The following GRHL2 variants were observed in gnomAD, a reference collection of about 807,000 sequenced individuals.
GRHL2 encodes the protein grainyhead-like protein 2 homolog.
GRHL2 carries 21 observed loss-of-function variants against 83.8 expected under a neutral mutation model. That is an observed-to-expected ratio of 0.25 (90% CI 0.18 to 0.36). GRHL2 has a LOEUF of 0.36. Ranked by LOEUF, GRHL2 falls within the 10% of genes least tolerant of loss-of-function variation. The pLI, the probability that GRHL2 is intolerant of heterozygous loss-of-function variation, is 1.00. For synonymous variants in GRHL2, 280 were observed against 278.9 expected (o/e 1.00, Z -0.04); for missense variants, 623 against 781.8 (o/e 0.80, Z 2.42).
In GRHL2 at chr8:101,497,062, G is replaced by A. The variant is rs565267311; in HGVS notation, c.20+4273G>A. Among the ~76,000 whole-genome samples the A allele has an allele frequency of 2.0e-5, 3 of 152,318 alleles. No individual in the cohort carries two copies. The South Asian group carries it at 6.2e-4, about 32-fold the overall frequency. On this transcript the variant is annotated intron_variant, in intron 1 of 15. Coordinates refer to ENST00000646743, the MANE Select transcript of GRHL2 (RefSeq NM_024915.4). Reference sequence around the variant, plus strand: ...CTAAGGAGTAAATGATGAACCTTCAGTCTTGTTTCTTTCCCTGAGTATCAC... The same window carrying A: ...CTAAGGAGTAAATGATGAACCTTCAATCTTGTTTCTTTCCCTGAGTATCAC...
At position 101,652,363 on chromosome 8, in the gene GRHL2, G is replaced by GAT; in HGVS notation, c.1698+2864_1698+2865insAT. Among the ~76,000 whole-genome samples the GAT allele has an allele frequency of 2.7e-5, 2 of 74,230 alleles. 1 individual carries two copies. Among genetic ancestry groups the GAT allele is most frequent in the African/African-American group, 1.5e-4 (2 of 13,702 alleles). The allele number at this position is 74,230 out of a possible 152,430, so 48.7% of individuals were successfully genotyped here. A position where few individuals can be genotyped will look rare whatever the true frequency, so the allele number is the denominator to read the frequency against. ...TGTATGTGTGTGGTGTGTGTGGTGTGTGTGTGTCTGATGTGTGTGTGGTGT... is the reference window on the plus strand; with the variant it reads ...TGTATGTGTGTGGTGTGTGTGGTGTGATTGTGTGTCTGATGTGTGTGTGGTGT... On this transcript the variant is annotated intron_variant, in intron 14 of 15. Transcript: ENST00000646743.
chr8:101,529,609 C>G (rs537244206), intron 1 of GRHL2: 5 of 211,844 alleles, frequency 2.4e-5, no homozygotes, highest in African/African-American at 1.2e-4. Context: ...CCCACTGCCT[C>G]TCAAGTATCT....
chr8:101,508,410 G>T (rs1403879147), intron 1 of GRHL2, among the ~76,000 whole-genome samples: 1 of 130,876 alleles, frequency 7.6e-6, no homozygotes, highest in South Asian at 2.4e-4. Flanking sequence ...TTTTCATCAC[G>T]GGAGAGCTTT....
intron 14 of GRHL2, among the ~76,000 whole-genome samples, chr8:101,664,063 G>A (rs1813987844): frequency 6.6e-6 from 1 of 151,946 alleles, no homozygotes; most frequent in Non-Finnish European, 1.5e-5. Flanking sequence ...CTACTTTTAT[G>A]GTTTCATCTT....
In GRHL2 at chr8:101,620,116, C is replaced by T. The variant is rs568643357; in HGVS notation, c.1257+419C>T. On this transcript the variant is annotated intron_variant, in intron 9 of 15. Transcript: ENST00000646743. Reference sequence around the variant, plus strand: ...CAGACAGCTGCCTTCTCACTGTGTCCTCACATGGCATAGAGAGAGAGCACG... The same window carrying T: ...CAGACAGCTGCCTTCTCACTGTGTCTTCACATGGCATAGAGAGAGAGCACG... Among the ~76,000 whole-genome samples the T allele has an allele frequency of 3.3e-5, 5 of 152,276 alleles. No individual in the cohort carries two copies. The East Asian group carries it at 9.6e-4, about 29-fold the overall frequency.
At chr8:101,500,646 C>G (rs1366003089) in intron 1 of GRHL2, among the ~76,000 whole-genome samples, 8 of 152,046 alleles carry the variant, frequency 5.3e-5, no homozygotes, top group African/African-American at 1.4e-4. Context: ...GTAGCTGGGA[C>G]TATAGGTGTG....
At chr8:101,623,611 TA>T (rs1407115227) in intron 9 of GRHL2, among the ~76,000 whole-genome samples, 1 of 151,688 alleles carries the variant, frequency 6.6e-6, no homozygotes, top group African/African-American at 2.4e-5. Context: ...TAGTACACAG[TA>T]GGGCAGTTTA....
At chr8:101,606,287 A>G (rs530564227) in intron 8 of GRHL2, among the ~76,000 whole-genome samples, 2 of 152,324 alleles carry the variant, frequency 1.3e-5, no homozygotes, top group East Asian at 3.9e-4. Flanking sequence ...TGGATTTACA[A>G]AAGAGATGTG....
intron 8 of GRHL2, among the ~76,000 whole-genome samples, chr8:101,616,397 C>T (rs916730539): frequency 6.6e-6 from 1 of 152,134 alleles, no homozygotes; most frequent in African/African-American, 2.4e-5. Context: ...TCTCGAACTC[C>T]TGACCTCTGG....
intron 9 of GRHL2, among the ~76,000 whole-genome samples, chr8:101,627,913 G>A (rs565993761): frequency 2.8e-4 from 42 of 152,210 alleles, no homozygotes; most frequent in Non-Finnish European, 5.0e-4. Flanking sequence ...CTCTATGAAG[G>A]CTGAGAGAGA....
At chr8:101,505,263 C>A (rs1810314186) in intron 1 of GRHL2, among the ~76,000 whole-genome samples, 1 of 151,968 alleles carries the variant, frequency 6.6e-6, no homozygotes, top group South Asian at 2.1e-4. Flanking sequence ...TTTAAAAAAT[C>A]ATGATGTTCT....
chr8:101,654,399 T>A lies in GRHL2; in HGVS notation c.1698+4900T>A, dbSNP rs187214123. On this transcript the variant is annotated intron_variant, in intron 14 of 15. Transcript: ENST00000646743. ...AGTCAGTAGATCTTAGCTGAGCAGA[T>A]GATGGCAATGATGTTGATGATGCAG... Among the ~76,000 whole-genome samples the A allele has an allele frequency of 2.2e-4, 33 of 152,336 alleles. No individual in the cohort carries two copies. In the South Asian group the frequency reaches 3.7e-3, roughly 17 times the overall value.
Position 101,493,463 on chromosome 8 carries a change from C to G in GRHL2, c.20+674C>G, listed in dbSNP as rs114871790. 0.14 allele frequency among the ~76,000 whole-genome samples: 20,750 copies of G among 143,386 alleles called. 2,390 individuals carry two copies. Among genetic ancestry groups the G allele is most frequent in the African/African-American group, 0.32 (12,711 of 39,848 alleles). 94.1% of individuals were successfully genotyped at this position (143,386 alleles called of 152,430 possible). On this transcript the variant is annotated intron_variant, in intron 1 of 15. Transcript: ENST00000646743. ...CGCCTCCCTCCCCCGGGTCCGCCCC[C>G]GCATTGTTTGGCCACCTTCCTCAGG...
chr8:101,594,903 A>G (rs1255024554), intron 7 of GRHL2, among the ~76,000 whole-genome samples: 7 of 152,260 alleles, frequency 4.6e-5, no homozygotes, highest in Admixed American at 3.9e-4. Flanking sequence ...GATAAATAGT[A>G]AACGAATAAA....
At chr8:101,509,286 T>A (rs73701913) in intron 1 of GRHL2, among the ~76,000 whole-genome samples, 2,482 of 149,134 alleles carry the variant, frequency 0.017, 73 homozygotes, top group African/African-American at 0.057. Flanking sequence ...TGGTTGTTTA[T>A]CTAAATAGTA....
chr8:101,632,220 A>G lies in GRHL2; in HGVS notation c.1346-6A>G. The G allele has an allele frequency of 6.2e-7, 1 of 1,613,994 alleles. No homozygotes were observed. Among genetic ancestry groups the G allele is most frequent in the Non-Finnish European group, 8.5e-7 (1 of 1,179,872 alleles). On this transcript the variant is annotated splice_polypyrimidine_tract_variant and splice_region_variant and intron_variant, in intron 10 of 15. Coordinates refer to ENST00000646743, the MANE Select transcript of GRHL2 (RefSeq NM_024915.4). ...CTCATTTATGAGTTTGTGTGATCCC[A>G]TCCAGCCTCTGATGGGAAGTTGGCT...
At chr8:101,552,325 C>T (rs1811399255) in intron 2 of GRHL2, among the ~76,000 whole-genome samples, 1 of 152,140 alleles carries the variant, frequency 6.6e-6, no homozygotes, top group Non-Finnish European at 1.5e-5. Flanking sequence ...TTTATGGTGA[C>T]ACTTGTTGTA....
In GRHL2 at chr8:101,508,567, C is replaced by T. The variant is rs140590412; in HGVS notation, c.20+15778C>T. On this transcript the variant is annotated intron_variant, in intron 1 of 15. Coordinates refer to ENST00000646743, the MANE Select transcript of GRHL2 (RefSeq NM_024915.4). ...GGAGCCATGATCTCTTCTCTCAGTA[C>T]GTCATTGGGTCTGAGAACAATCCCC... Among the ~76,000 whole-genome samples, 396 of 152,190 alleles carry T rather than the reference C, an allele frequency of 2.6e-3. 2 individuals are homozygous for T. Among genetic ancestry groups the T allele is most frequent in the African/African-American group, 8.5e-3 (352 of 41,520 alleles).
chr8:101,520,413 G>A (rs1419484143), intron 1 of GRHL2, among the ~76,000 whole-genome samples: 1 of 152,134 alleles, frequency 6.6e-6, no homozygotes, highest in Non-Finnish European at 1.5e-5. Flanking sequence ...GAATCTTAAG[G>A]AAGACCTTAT....
Sources: gnomAD v4.1 joint callset for allele counts (sites outside exome capture counted in the v4.1 genomes callset) on GRCh38, gnomAD v4.1.1 for gene constraint, MANE v1.5 for transcripts, NCBI Gene and HGNC (gene_info 2026-07-23, HGNC 2026-07-21) for gene names.